PCDHGA3: variants seen among roughly 807,000 people sequenced by gnomAD.
PCDHGA3 encodes protocadherin gamma-A3.
A neutral mutation model predicts 58.5 loss-of-function variants in PCDHGA3; 40 were observed. That is an observed-to-expected ratio of 0.68 (90% CI 0.53 to 0.89). The LOEUF (loss-of-function observed/expected upper bound fraction) is 0.89. Ranked by LOEUF, PCDHGA3 falls within the 40% of genes least tolerant of loss-of-function variation. The probability of loss-of-function intolerance (pLI) is 0.00; values close to 1 mark genes in which losing one functional copy is unlikely to be tolerated. For missense variants in PCDHGA3, 1,223 were observed against 1,195.9 expected (o/e 1.02, Z -0.33); for synonymous variants, 530 against 525.7 (o/e 1.01, Z -0.11).
chr5:141,409,258 C>G (rs2095247947), intron 1 of PCDHGA3: 2 of 1,613,918 alleles, frequency 1.2e-6, no homozygotes, highest in Non-Finnish European at 8.5e-7. Flanking sequence ...TCACTTCTCT[C>G]TCTGATCAGA....
chr5:141,463,764 G>A (rs2099069094), intron 1 of PCDHGA3, among the ~76,000 whole-genome samples: 1 of 151,916 alleles, frequency 6.6e-6, no homozygotes. Flanking sequence ...TTCTCTTATG[G>A]GTTAGAATCC....
rs1333951046 is a variant in PCDHGA3, at chr5:141,485,847, C to T, written c.2425-8960C>T. 10 of 1,614,092 alleles carry T rather than the reference C, an allele frequency of 6.2e-6. No individual in the cohort carries two copies. In the African/African-American group the frequency reaches 8.0e-5, roughly 13 times the overall value. On this transcript the variant is annotated intron_variant, in intron 1 of 3. Transcript: ENST00000253812. This position sits in a 1 kb window ranked among gnomAD's most constrained non-coding sequence, Gnocchi z 5.7. ...GGAGGGAACCCGCCGAGATCTGGCA[C>T]CGCAGAGCTCCGGGTATCCGTGCTG...
rs1246750536 is a variant in PCDHGA3 at position 141,386,428 on chromosome 5, C to T, written c.2424+39971C>T. On this transcript the variant is annotated intron_variant, in intron 1 of 3. Coordinates refer to ENST00000253812, the MANE Select transcript of PCDHGA3 (RefSeq NM_018916.4). ...TATGGTGTTGCAAGCTGTAGCCCAC[C>T]TGCATGGGAGGCTGAGGCAAGAGGA... Among the ~76,000 whole-genome samples the T allele has an allele frequency of 3.3e-5, 5 of 152,036 alleles. No individual in the cohort carries two copies. In the South Asian group the frequency reaches 6.2e-4, roughly 19 times the overall value.
chr5:141,383,193 G>A, intron 1 of PCDHGA3: 2 of 1,614,066 alleles, frequency 1.2e-6, no homozygotes, highest in Non-Finnish European at 1.7e-6. Flanking sequence ...TCTGCGCTCA[G>A]AGTGCGCGGT....
At chr5:141,448,215 C>T (rs927573458) in intron 1 of PCDHGA3, among the ~76,000 whole-genome samples, 5 of 152,046 alleles carry the variant, frequency 3.3e-5, no homozygotes, top group African/African-American at 9.7e-5. Flanking sequence ...TGTGTGTATG[C>T]GAATGTATGT....
At chr5:141,370,767 G>T (rs749108869) in intron 1 of PCDHGA3, 12 of 1,613,966 alleles carry the variant, frequency 7.4e-6, no homozygotes, top group Non-Finnish European at 1.0e-5. Context: ...GCTGATCCAG[G>T]ATATTAACGA....
intron 2 of PCDHGA3, among the ~76,000 whole-genome samples, chr5:141,496,769 C>T (rs1434587849): frequency 2.0e-5 from 3 of 152,064 alleles, no homozygotes; most frequent in African/African-American, 7.3e-5. Flanking sequence ...CGAGCATCTA[C>T]TATGAGCAGG....
intron 1 of PCDHGA3, chr5:141,409,794 C>T (rs1345529657): frequency 1.9e-6 from 3 of 1,611,732 alleles, no homozygotes; most frequent in South Asian, 1.1e-5. Flanking sequence ...TTCGCGCTCA[C>T]GCTGCAGGCC....
chr5:141,384,674 T>C (rs748841666), intron 1 of PCDHGA3: 9 of 1,614,038 alleles, frequency 5.6e-6, no homozygotes, highest in Non-Finnish European at 8.5e-7. Context: ...ACCAAGGTGG[T>C]GGCGGTGGAC....
At chr5:141,422,942 G>A (rs199976232) in intron 1 of PCDHGA3, 5 of 1,614,096 alleles carry the variant, frequency 3.1e-6, no homozygotes, top group Non-Finnish European at 4.2e-6. Flanking sequence ...CCCACAGACG[G>A]CTCCACTGGC....
intron 2 of PCDHGA3, among the ~76,000 whole-genome samples, chr5:141,504,869 C>T (rs919109041): frequency 6.6e-6 from 1 of 152,134 alleles, no homozygotes; most frequent in Admixed American, 6.5e-5. Flanking sequence ...CCCACCTTCA[C>T]AGTCCTCTGG....
At chr5:141,366,405 A>G (rs774336426) in intron 1 of PCDHGA3, 3 of 1,614,106 alleles carry the variant, frequency 1.9e-6, no homozygotes, top group Non-Finnish European at 1.7e-6. Context: ...CTCACACTCT[A>G]TCTTGTGGTG....
At position 141,388,141 on chromosome 5, in the gene PCDHGA3, T is replaced by C. The variant is rs1239201119; in HGVS notation, c.2424+41684T>C. On this transcript the variant is annotated intron_variant, in intron 1 of 3. Transcript: ENST00000253812. ...AGCGCAGAGAGCGGGGAGTTGCTTG[T>C]GAGCAGCAGGCTAGACAGGGAGGAG... 6.9e-7 allele frequency: 1 copy of C among 1,456,446 alleles called. No individual in the cohort carries two copies. The highest frequency in any genetic ancestry group is 2.3e-4 in the Middle Eastern group (1 of 4,348). The allele number at this position is 1,456,446 out of a possible 1,614,324, so 90.2% of individuals were successfully genotyped here. A position where few individuals can be genotyped will look rare whatever the true frequency, so the allele number is the denominator to read the frequency against.
At position 141,487,550 on chromosome 5, in the gene PCDHGA3, G is replaced by A. The variant is rs762537798; in HGVS notation, c.2425-7257G>A. 1 of 1,614,160 alleles carries A rather than the reference G, an allele frequency of 6.2e-7. No individual in the cohort carries two copies. The highest frequency in any genetic ancestry group is 1.1e-5 in the South Asian group (1 of 91,082). ...CTTCATGATGGTGAAGTCACCCAGT[G>A]CACCTATGGCAGGGGAGCCTGTTCG... On this transcript the variant is annotated intron_variant, in intron 1 of 3. Transcript: ENST00000253812. The surrounding 1 kb of genome is among the most constrained non-coding windows in gnomAD (Gnocchi z 5.0).
chr5:141,508,824 G>A (rs893436748), intron 3 of PCDHGA3, among the ~76,000 whole-genome samples: 9 of 151,952 alleles, frequency 5.9e-5, no homozygotes, highest in Admixed American at 3.3e-4. Flanking sequence ...CCAGATCTGG[G>A]CCCCCCTCCC....
chr5:141,411,969 T>G (rs2095526864), intron 1 of PCDHGA3: 1 of 152,258 alleles, frequency 6.6e-6, no homozygotes, highest in Non-Finnish European at 1.5e-5. Context: ...ATAAAATCTT[T>G]GAAGAGTTCT....
At chr5:141,387,604 T>C (rs2091008879) in intron 1 of PCDHGA3, 2 of 547,084 alleles carry the variant, frequency 3.7e-6, no homozygotes, top group Non-Finnish European at 6.4e-6. Flanking sequence ...CAGCAGAGGC[T>C]GTAGTTTCCT....
chr5:141,362,243 T>C (rs1431406827), intron 1 of PCDHGA3: 1 of 1,613,912 alleles, frequency 6.2e-7, no homozygotes, highest in Non-Finnish European at 8.5e-7. Context: ...TCAGTGCTCT[T>C]CTTCCTCGCG....
chr5:141,372,931 A>G, intron 1 of PCDHGA3: 1 of 890,318 alleles, frequency 1.1e-6, no homozygotes, highest in Admixed American at 3.1e-5. Flanking sequence ...TTTCTGGTGT[A>G]GAGTAGGGTG....
Sources: gnomAD v4.1 joint callset for allele counts (sites outside exome capture counted in the v4.1 genomes callset) on GRCh38, gnomAD v4.1.1 for gene constraint, Gnocchi (gnomAD v3.1) non-coding constraint, MANE v1.5 for transcripts, NCBI Gene and HGNC (gene_info 2026-07-23, HGNC 2026-07-21) for gene names.